Variants in SOX6 observed in about 807,000 individuals in gnomAD.
The protein encoded by SOX6 is SRY-box transcription factor 6.
SOX6 carries 11 observed loss-of-function variants against 97.8 expected under a neutral mutation model. The ratio of observed to expected loss-of-function variants is 0.11; its 90% CI spans 0.07 to 0.19. The LOEUF is 0.19. SOX6 is among the 10% of genes least tolerant of loss of function. The probability of loss-of-function intolerance (pLI) is 1.00; values close to 1 mark genes in which losing one functional copy is unlikely to be tolerated. For missense variants in SOX6, 810 were observed against 1,039.5 expected (o/e 0.78, Z 3.04); for synonymous variants, 360 against 371.4 (o/e 0.97, Z 0.35).
At chr11:16,461,327 C>G (rs1859922122) in intron 1 of SOX6, among the ~76,000 whole-genome samples, 1 of 151,700 alleles carries the variant, frequency 6.6e-6, no homozygotes. Context: ...TTTTTTTAAC[C>G]CTCTAATCCA....
At chr11:16,255,238 A>G (rs1285293628) in intron 3 of SOX6, among the ~76,000 whole-genome samples, 1 of 152,110 alleles carries the variant, frequency 6.6e-6, no homozygotes, top group Non-Finnish European at 1.5e-5. Context: ...CATTGAACTC[A>G]GCAACACCAT....
chr11:16,091,680 G>T (rs547748334), intron 9 of SOX6, among the ~76,000 whole-genome samples: 1 of 152,128 alleles, frequency 6.6e-6, no homozygotes, highest in African/African-American at 2.4e-5. Context: ...GACTTCAGTA[G>T]TTTCATTTAA....
intron 3 of SOX6, among the ~76,000 whole-genome samples, chr11:16,695,170 T>C (rs567047163): frequency 1.3e-5 from 2 of 152,298 alleles, no homozygotes; most frequent in South Asian, 2.1e-4. Context: ...TCTCTGAGGA[T>C]TGCATCAGGG....
At chr11:15,993,143 A>G (rs1854107499) in intron 13 of SOX6, among the ~76,000 whole-genome samples, 1 of 152,110 alleles carries the variant, frequency 6.6e-6, no homozygotes, top group African/African-American at 2.4e-5. Context: ...TATCTGGAAA[A>G]CCCTTATAAA....
At chr11:16,015,431 A>T (rs898997926) in intron 12 of SOX6, 1 of 219,566 alleles carries the variant, frequency 4.6e-6, no homozygotes, top group African/African-American at 2.3e-5. Context: ...TGGGAGAGGA[A>T]TTTTCTCATT....
chr11:16,645,629 C>A (rs1849002276), intron 3 of SOX6, among the ~76,000 whole-genome samples: 1 of 152,170 alleles, frequency 6.6e-6, no homozygotes, highest in Non-Finnish European at 1.5e-5. Flanking sequence ...CATGAGAACA[C>A]AGACATACAG....
At chr11:16,432,623 A>G (rs1261171634) in intron 1 of SOX6, among the ~76,000 whole-genome samples, 3 of 152,014 alleles carry the variant, frequency 2.0e-5, no homozygotes, top group African/African-American at 7.2e-5. Flanking sequence ...GTGGGTCTCA[A>G]TATTTGTGGT....
chr11:16,569,966 G>C (rs886928778), intron 4 of SOX6, among the ~76,000 whole-genome samples: 1 of 151,028 alleles, frequency 6.6e-6, no homozygotes, highest in Non-Finnish European at 1.5e-5. Flanking sequence ...ATTATAACCA[G>C]TTAATATAAG....
chr11:16,484,614 T>G, intron 4 of SOX6: 1 of 680,224 alleles, frequency 1.5e-6, no homozygotes. Flanking sequence ...GGCTTCCAGG[T>G]GCCCAGCCCC....
intron 4 of SOX6, among the ~76,000 whole-genome samples, chr11:16,519,723 C>T (rs781577116): frequency 3.3e-5 from 5 of 152,104 alleles, no homozygotes; most frequent in Non-Finnish European, 7.4e-5. Flanking sequence ...AACCTACTAG[C>T]GAGATTGCTG....
intron 3 of SOX6, among the ~76,000 whole-genome samples, chr11:16,287,362 C>A (rs561842589): frequency 6.7e-6 from 1 of 148,306 alleles, no homozygotes; most frequent in Non-Finnish European, 1.5e-5. Flanking sequence ...ATTTAAAGAA[C>A]CTCCTCATAC....
At chr11:16,416,640 C>T (rs922568465) in intron 1 of SOX6, among the ~76,000 whole-genome samples, 1 of 152,190 alleles carries the variant, frequency 6.6e-6, no homozygotes, top group Non-Finnish European at 1.5e-5. Context: ...TCATTCTCAG[C>T]AGCATTTTTC....
chr11:16,599,074 G>C (rs1848241499), intron 4 of SOX6, among the ~76,000 whole-genome samples: 1 of 152,050 alleles, frequency 6.6e-6, no homozygotes, highest in African/African-American at 2.4e-5. Context: ...CATCATTGAA[G>C]AGCATCAAAT....
At chr11:16,508,562 A>G (rs1860826723) in intron 4 of SOX6, among the ~76,000 whole-genome samples, 1 of 152,088 alleles carries the variant, frequency 6.6e-6, no homozygotes, top group Non-Finnish European at 1.5e-5. Flanking sequence ...CATTATGTTA[A>G]GTGAGATAAG....
At chr11:16,500,462 G>T (rs1036978683) in intron 4 of SOX6, among the ~76,000 whole-genome samples, 6 of 152,140 alleles carry the variant, frequency 3.9e-5, no homozygotes, top group Non-Finnish European at 8.8e-5. Flanking sequence ...TCTAGCCAGG[G>T]CAATCAGGCA....
rs200474370 is a variant in SOX6, at chr11:16,093,410, C to CTAAT, written c.1101+2582_1101+2585dup. Among the ~76,000 whole-genome samples, 1,346 of 151,974 alleles carry CTAAT rather than the reference C, an allele frequency of 8.9e-3. 11 individuals carry two copies. Among genetic ancestry groups the CTAAT allele is most frequent in the Middle Eastern group, 0.014 (4 of 294 alleles). On this transcript the variant is annotated intron_variant, in intron 9 of 15. Coordinates refer to ENST00000683767, the MANE Select transcript of SOX6 (RefSeq NM_001367873.1). The stretch of plus-strand genomic sequence containing the variant: ...TAAAGAAAGAAAGTAATGGCATATG[C>CTAAT]TAATATAAGGAGAGTCTTTCAATTT...
intron 12 of SOX6, among the ~76,000 whole-genome samples, chr11:16,037,796 G>A (rs1426088583): frequency 6.6e-6 from 1 of 152,144 alleles, no homozygotes; most frequent in Non-Finnish European, 1.5e-5. Flanking sequence ...TTCTTAAAAT[G>A]TAGTTTAGAT....
intron 3 of SOX6, among the ~76,000 whole-genome samples, chr11:16,619,769 C>A (rs1848517506): frequency 6.6e-6 from 1 of 151,946 alleles, no homozygotes; most frequent in African/African-American, 2.4e-5. Flanking sequence ...ACTAAAATTT[C>A]ATTTAACATG....
chr11:15,980,491 A>G (rs1052719445), intron 15 of SOX6, among the ~76,000 whole-genome samples: 15 of 152,074 alleles, frequency 9.9e-5, no homozygotes, highest in African/African-American at 3.6e-4. Context: ...ATAAAAAGAG[A>G]CTAAAAAAAC....
Sources: allele counts gnomAD v4.1 joint callset (sites outside exome capture counted in the v4.1 genomes callset), GRCh38; gene constraint gnomAD v4.1.1; transcripts MANE v1.5; gene names NCBI Gene and HGNC (gene_info 2026-07-23, HGNC 2026-07-21).